MGAT1: variants seen among roughly 807,000 people sequenced by gnomAD.
MGAT1 encodes N-glycosyl-oligosaccharide-glycoprotein N-acetylglucosaminyltransferase I.
Under a neutral mutation model 31.7 loss-of-function variants are expected in MGAT1, and 14 were observed. That is an observed-to-expected ratio of 0.44 (90% CI 0.29 to 0.69). The LOEUF (loss-of-function observed/expected upper bound fraction) is 0.69, where lower values mean the gene tolerates loss of function less well. Among genes scored for constraint, MGAT1 ranks in the 30% least tolerant of loss-of-function variants. MGAT1 has a pLI of 0.12. For missense variants in MGAT1, 557 were observed against 626.0 expected, an observed-to-expected ratio of 0.89 and a Z score of 1.18; for synonymous variants, 338 against 276.0, an observed-to-expected ratio of 1.22 and a Z score of -2.23.
chr5:180,799,150 G>A (rs892568167), intron 1 of MGAT1, among the ~76,000 whole-genome samples: 1 of 152,108 alleles, frequency 6.6e-6, no homozygotes, highest in Non-Finnish European at 1.5e-5. Flanking sequence ...AAAACCATCA[G>A]AGGCTGCACT....
At chr5:180,795,655 CTAT>C (rs1323334071) in intron 1 of MGAT1, 2 of 152,178 alleles carry the variant, frequency 1.3e-5, no homozygotes, top group Non-Finnish European at 2.9e-5. Context: ...TATCCTTATA[CTAT>C]TTTTTATTCT....
At chr5:180,801,992 C>A (rs561644070) in intron 1 of MGAT1, among the ~76,000 whole-genome samples, 90 of 152,314 alleles carry the variant, frequency 5.9e-4, no homozygotes, top group Non-Finnish European at 1.0e-3. Context: ...AAAGGCTACA[C>A]GGCCTGAAAA....
At position 180,791,726 on chromosome 5, in the gene MGAT1, A is replaced by T; in HGVS notation, c.1246T>A (p.Tyr416Asn). Residue 416 changes from tyrosine to asparagine, a missense_variant, in exon 2 of 2, where the codon TAC (tyrosine) becomes AAC (asparagine). By Grantham distance (143) the Tyr-to-Asn change is moderately radical. Transcript: ENST00000307826. ...DLKSGVPRAG[Y>N]RGIVTFQFRG... ...AACTGGAAGGTGACAATACCCCGGT[A>T]GCCAGCTCTCGGAACCCCCGACTTA... The T allele has an allele frequency of 6.2e-7, 1 of 1,611,802 alleles. No homozygotes were observed.
chr5:180,792,837 G>T lies in MGAT1; in HGVS notation c.135C>A (p.Gly45=). The change falls in exon 2 of 2, where the codon GGC becomes GGA. Residue 45 remains glycine (G), a synonymous_variant. Coordinates refer to ENST00000307826, the MANE Select transcript of MGAT1 (RefSeq NM_002406.4). The part of the protein sequence containing the change: ...GRPPSVSALD[G]DPASLTREVI... ...CTTCCCGGGTGAGGCTGGCGGGGTC[G>T]CCATCGAGAGCGCTGACTGAGGGTG... 6.4e-7 allele frequency: 1 copy of T among 1,561,532 alleles called. No individual in the cohort carries two copies. Among genetic ancestry groups the T allele is most frequent in the Non-Finnish European group, 8.7e-7 (1 of 1,153,898 alleles).
chr5:180,794,873 C>T (rs1020737704), intron 1 of MGAT1, among the ~76,000 whole-genome samples: 4 of 152,142 alleles, frequency 2.6e-5, no homozygotes, highest in Non-Finnish European at 4.4e-5. Flanking sequence ...CAAAAACCTA[C>T]ACAGGAGTGT....
In MGAT1 at chr5:180,786,530, A is replaced by G. The variant is rs2113134122; in HGVS notation, c.*5104T>C. 1 of 152,346 alleles carries G rather than the reference A, an allele frequency of 6.6e-6. No individual in the cohort carries two copies. Among genetic ancestry groups the G allele is most frequent in the East Asian group, 1.9e-4 (1 of 5,192 alleles). 9.4% of individuals were successfully genotyped at this position (152,346 alleles called of 1,614,324 possible). On this transcript the variant is annotated 3_prime_UTR_variant, in exon 2 of 2. Transcript: ENST00000307826. ...ATACTTTTTCCAGCCTCTTTTGCTG[A>G]CAGGGGTGCCTGTGTGATCCAGTTC... is the stretch of plus-strand genomic sequence containing the variant.
chr5:180,810,904 C>T (rs1231609989), intron 1 of MGAT1: 2 of 152,204 alleles, frequency 1.3e-5, no homozygotes, highest in Admixed American at 1.3e-4. Flanking sequence ...CGGCCGGGCC[C>T]GCCGTCGCCG....
chr5:180,804,475 G>A (rs1771556778), upstream of MGAT1, among the ~76,000 whole-genome samples: 1 of 152,240 alleles, frequency 6.6e-6, no homozygotes, highest in South Asian at 2.1e-4. Context: ...TGCAGTGTGC[G>A]ATGTGCGGGA....
Position 180,792,304 on chromosome 5 carries a change from C to A in MGAT1, c.668G>T (p.Arg223Leu), listed in dbSNP as rs7726005. 62 of 1,609,558 alleles carry A rather than the reference C, an allele frequency of 3.9e-5. No homozygotes were observed. Among genetic ancestry groups the A allele is most frequent in the Admixed American group, 3.8e-4 (23 of 59,970 alleles). The change falls in exon 2 of 2, where the codon CGG becomes CTG. Residue 223 changes from arginine to leucine, a missense_variant. Arg to Leu is a moderately radical substitution (Grantham distance 102). Coordinates refer to ENST00000307826, the MANE Select transcript of MGAT1 (RefSeq NM_002406.4). Reference protein sequence around the residue: ...EVAPDFFEYFRATYPLLKADP... With the variant: ...EVAPDFFEYFLATYPLLKADP... ...GGCCTTCAGCAGCGGATAGGTGGCC[C>A]GAAAGTACTCGAAGAAGTCCGGGGC...
intron 1 of MGAT1, chr5:180,809,852 C>T (rs1213522701): frequency 6.6e-6 from 1 of 150,976 alleles, no homozygotes; most frequent in South Asian, 2.1e-4. Context: ...TCCTTTCCTT[C>T]CTGTAGGGGC....
chr5:180,793,870 C>T (rs1768771173), intron 1 of MGAT1, among the ~76,000 whole-genome samples: 1 of 152,100 alleles, frequency 6.6e-6, no homozygotes, highest in African/African-American at 2.4e-5. Context: ...CTTAAACATT[C>T]AAAACTTATG....
At chr5:180,809,176 G>A (rs774722166) in intron 1 of MGAT1, 2 of 152,100 alleles carry the variant, frequency 1.3e-5, no homozygotes, top group Non-Finnish European at 2.9e-5. Flanking sequence ...GTCCATACTA[G>A]GCTCTATCAT....
chr5:180,804,504 T>C (rs1450433717), upstream of MGAT1, among the ~76,000 whole-genome samples: 1 of 152,190 alleles, frequency 6.6e-6, no homozygotes, highest in Non-Finnish European at 1.5e-5. Context: ...GCTTCCACTT[T>C]AGCTGACTGC....
At chr5:180,804,451 C>G (rs531131658), upstream of MGAT1, among the ~76,000 whole-genome samples, 2 of 152,368 alleles carry the variant, frequency 1.3e-5, no homozygotes, top group South Asian at 4.1e-4. Context: ...GGCAGGCCCA[C>G]CGAGGCCGCC....
Position 180,791,771 on chromosome 5 carries a change from G to A in MGAT1, c.1201C>T (p.Leu401=), listed in dbSNP as rs1212569588. Residue 401 remains leucine (L), a synonymous_variant, in exon 2 of 2, where the codon CTG becomes TTG. Coordinates refer to ENST00000307826, the MANE Select transcript of MGAT1 (RefSeq NM_002406.4). ...GACTTAAGGTCATCCATGACACCCA[G>A]AGCCTTGGCGAAAGCCTTGAAGCTG... The part of the protein sequence containing the change: ...RDSFKAFAKA[L]GVMDDLKSGV... The A allele has an allele frequency of 1.2e-6, 2 of 1,614,108 alleles. No homozygotes were observed. The highest frequency in any genetic ancestry group is 1.3e-5 in the African/African-American group (1 of 74,926).
chr5:180,815,557 CCCGG>C (rs1461833114), upstream of MGAT1: 1 of 152,356 alleles, frequency 6.6e-6, no homozygotes, highest in African/African-American at 2.4e-5. Flanking sequence ...AAGCTTGTCT[CCCGG>C]TTATTTCGTG....
Position 180,786,078 on chromosome 5 carries a change from G to T in MGAT1, c.*5556C>A, listed in dbSNP as rs1228803459. On this transcript the variant is annotated 3_prime_UTR_variant, in exon 2 of 2. Transcript: ENST00000307826. ...CCTGCTTCCTGGTAGCTGAACCAGG[G>T]CAGCATTTGCTGTGAGCTGGGAGCC... 6.6e-6 allele frequency: 1 copy of T among 152,306 alleles called. No homozygotes were observed. The highest frequency in any genetic ancestry group is 2.4e-5 in the African/African-American group (1 of 41,472). The allele number at this position is 152,306 out of a possible 1,614,324, so 9.4% of individuals were successfully genotyped here. A position where few individuals can be genotyped will look rare whatever the true frequency, so the allele number is the denominator to read the frequency against.
intron 1 of MGAT1, chr5:180,810,403 G>A (rs1032905148): frequency 6.6e-6 from 1 of 152,662 alleles, no homozygotes; most frequent in African/African-American, 2.4e-5. Flanking sequence ...GTTGTGAGAA[G>A]GAAGCCGGGC....
upstream of MGAT1, among the ~76,000 whole-genome samples, chr5:180,805,962 A>G (rs1771802868): frequency 6.6e-6 from 1 of 152,114 alleles, no homozygotes. Flanking sequence ...TCTTTTTGGA[A>G]TAAAGAAGGA....
Sources: gnomAD v4.1 joint callset for allele counts (sites outside exome capture counted in the v4.1 genomes callset) on GRCh38, gnomAD v4.1.1 for gene constraint, MANE v1.5 for transcripts, NCBI Gene and HGNC (gene_info 2026-07-23, HGNC 2026-07-21) for gene names.